GPR107: variants seen among roughly 807,000 people sequenced by gnomAD.
The protein encoded by GPR107 is G protein-coupled receptor 107, also known as protein GPR107.
GPR107 carries 31 observed loss-of-function variants against 75.5 expected under a neutral mutation model. The observed-to-expected ratio is 0.41, with a 90% CI of 0.31 to 0.55. The LOEUF (loss-of-function observed/expected upper bound fraction) is 0.55, where lower values mean the gene tolerates loss of function less well. Ranked by LOEUF, GPR107 falls within the 20% of genes least tolerant of loss-of-function variation. The pLI is 0.26. For missense variants in GPR107, 572 were observed against 665.7 expected, an observed-to-expected ratio of 0.86 and a Z score of 1.55; for synonymous variants, 267 against 251.3, an observed-to-expected ratio of 1.06 and a Z score of -0.59.
Position 130,083,600 on chromosome 9 carries a change from A to C in GPR107, c.562A>C (p.Lys188Gln), listed in dbSNP as rs761481325. 1 of 1,524,402 alleles carries C rather than the reference A, an allele frequency of 6.6e-7. No homozygotes were observed. The highest frequency in any genetic ancestry group is 8.7e-7 in the Non-Finnish European group (1 of 1,144,484). 94.4% of individuals were successfully genotyped at this position (1,524,402 alleles called of 1,614,324 possible). Residue 188 changes from lysine (K) to glutamine (Q), a missense_variant and splice_region_variant, in exon 6 of 18, where the codon AAG becomes CAG. By Grantham distance (53) the Lys-to-Gln change is moderately conservative. Transcript: ENST00000347136. Reference protein sequence around the residue: ...GKSKRSTVDSKAMGEKSFSVH... With the variant: ...GKSKRSTVDSQAMGEKSFSVH... ...GTCTAAAAGAAGTACAGTGGATTCA[A>C]AGGTAAGAACTAACCACCCTTTTGT...
chr9:130,083,505 T>C (rs1830541235), intron 5 of GPR107, 60 bp from the exon 6 acceptor site: 1 of 982,494 alleles, frequency 1.0e-6, no homozygotes, highest in Non-Finnish European at 1.5e-6. Context: ...TACTGTAATA[T>C]ATATATGTAT....
chr9:130,102,931 A>G (rs1831071369), intron 12 of GPR107, among the ~76,000 whole-genome samples: 1 of 146,960 alleles, frequency 6.8e-6, no homozygotes, highest in African/African-American at 2.5e-5. Flanking sequence ...CCACAGACGT[A>G]CACCATCACA....
chr9:130,065,545 C>T (rs1830048024), intron 1 of GPR107, among the ~76,000 whole-genome samples: 1 of 151,972 alleles, frequency 6.6e-6, no homozygotes, highest in African/African-American at 2.4e-5. Context: ...ACGGGCACCT[C>T]ACTTGAGGTC....
chr9:130,067,373 G>A (rs1830095016), intron 1 of GPR107, among the ~76,000 whole-genome samples: 2 of 152,192 alleles, frequency 1.3e-5, no homozygotes, highest in Non-Finnish European at 2.9e-5. Context: ...AGCCCCTTGA[G>A]ATAGATGTTA....
chr9:130,070,336 C>G (rs1291731479), intron 1 of GPR107, among the ~76,000 whole-genome samples: 1 of 152,128 alleles, frequency 6.6e-6, no homozygotes, highest in Non-Finnish European at 1.5e-5. Flanking sequence ...CAGAGTCTCG[C>G]TCTTTCGCCC....
At chr9:130,058,232 C>G (rs1342607613) in intron 1 of GPR107, among the ~76,000 whole-genome samples, 1 of 152,120 alleles carries the variant, frequency 6.6e-6, no homozygotes. Context: ...CATAAGATCA[C>G]CCATTTTAAC....
In GPR107 at chr9:130,079,639, A is replaced by G. The variant is rs912379316; in HGVS notation, c.396A>G (p.Val132=). Residue 132 remains valine, a synonymous_variant, in exon 5 of 18, where the codon GTA becomes GTG. Transcript: ENST00000347136. ...ILDISRSEVR[V]KSPPEAGTQL... ...TCTTATTTGAATGTAGGGTAAGAGT[A>G]AAGTCTCCACCAGAAGCTGGTACCC... 3.1e-6 allele frequency: 5 copies of G among 1,613,306 alleles called. No homozygotes were observed. The highest frequency in any genetic ancestry group is 1.1e-5 in the South Asian group (1 of 91,040).
At chr9:130,094,991 TTTTTTA>T (rs1830829955) in intron 9 of GPR107, among the ~76,000 whole-genome samples, 1 of 151,950 alleles carries the variant, frequency 6.6e-6, no homozygotes, top group African/African-American at 2.4e-5. Context: ...TCTGTTGTTT[TTTTTTA>T]TTTTTTATTT....
intron 17 of GPR107, chr9:130,130,013 T>C (rs1421787300): frequency 1.3e-5 from 2 of 152,258 alleles, no homozygotes; most frequent in Non-Finnish European, 2.9e-5. Flanking sequence ...GGCAACAATT[T>C]TTTTAAAATT....
rs536505638 is a variant in GPR107, at chr9:130,118,050, T to G, written c.1307-6865T>G. 5.9e-5 allele frequency among the ~76,000 whole-genome samples: 9 copies of G among 152,314 alleles called. No homozygotes were observed. The East Asian group carries it at 1.3e-3, about 23-fold the overall frequency. ...TTTCCCTTAGCATGAAGCGTAGGTGTTAAGAGCTTGGTCCTTGGAGGGAGG... is the reference window on the plus strand; with the variant it reads ...TTTCCCTTAGCATGAAGCGTAGGTGGTAAGAGCTTGGTCCTTGGAGGGAGG... On this transcript the variant is annotated intron_variant, in intron 14 of 17. Coordinates refer to ENST00000347136, the MANE Select transcript of GPR107 (RefSeq NM_020960.5).
chr9:130,082,033 A>G (rs906789954), intron 5 of GPR107, among the ~76,000 whole-genome samples: 10 of 152,194 alleles, frequency 6.6e-5, no homozygotes, highest in African/African-American at 2.4e-4. Context: ...GGCAGGTCAC[A>G]TGGCGAGAGC....
rs189996921 is a variant in GPR107, at chr9:130,102,257, C to T, written c.1131+1034C>T. Among the ~76,000 whole-genome samples the T allele has an allele frequency of 1.4e-3, 207 of 152,286 alleles. 1 individual carries two copies. Among genetic ancestry groups the T allele is most frequent in the African/African-American group, 4.5e-3 (186 of 41,574 alleles). ...GCCGGTCTTTCGGCTGTCGAGCCAC[C>T]GTGGTCACTTCTTCAGCCAGACTGA... On this transcript the variant is annotated intron_variant, in intron 12 of 17. Transcript: ENST00000347136.
At chr9:130,076,495 T>G in intron 3 of GPR107, 33 bp downstream of exon 3, 1 of 1,339,216 alleles carries the variant, frequency 7.5e-7, no homozygotes, top group Non-Finnish European at 1.1e-6. Flanking sequence ...GATTCATCTC[T>G]TCACCTGAGC....
intron 14 of GPR107, among the ~76,000 whole-genome samples, chr9:130,115,492 C>T (rs959094606): frequency 1.3e-5 from 2 of 151,716 alleles, no homozygotes; most frequent in African/African-American, 2.4e-5. Context: ...AGGCCAGGCA[C>T]GGTGGCTCTC....
chr9:130,123,530 CTTTTTTTTTTT>C (rs57730952), intron 14 of GPR107, among the ~76,000 whole-genome samples: 2 of 127,156 alleles, frequency 1.6e-5, no homozygotes, highest in African/African-American at 6.0e-5. Context: ...CTTTTCTTTT[CTTTTTTTTTTT>C]TTTTTTTTGT....
intron 9 of GPR107, among the ~76,000 whole-genome samples, chr9:130,098,500 A>G (rs1315354306): frequency 1.3e-5 from 2 of 152,142 alleles, no homozygotes; most frequent in Admixed American, 6.6e-5. Context: ...CTGTTTTCTC[A>G]GGTCCATCTA....
intron 1 of GPR107, among the ~76,000 whole-genome samples, chr9:130,068,123 T>C (rs1830113033): frequency 6.6e-6 from 1 of 152,046 alleles, no homozygotes; most frequent in Non-Finnish European, 1.5e-5. Context: ...GAAGGTACTT[T>C]TTGCTTACCT....
At chr9:130,083,685 T>TG in intron 6 of GPR107, 83 bp downstream of exon 6, 1 of 724,446 alleles carries the variant, frequency 1.4e-6, no homozygotes, top group Non-Finnish European at 2.1e-6. Flanking sequence ...TGTGTGTGTA[T>TG]TGATATATAT....
chr9:130,121,066 G>A (rs575152806), intron 14 of GPR107, among the ~76,000 whole-genome samples: 1 of 152,226 alleles, frequency 6.6e-6, no homozygotes, highest in South Asian at 2.1e-4. Flanking sequence ...ACGCGATGGT[G>A]TGCGCCTGTA....
Sources: gnomAD v4.1 joint callset for allele counts (sites outside exome capture counted in the v4.1 genomes callset) on GRCh38, gnomAD v4.1.1 for gene constraint, MANE v1.5 for transcripts, NCBI Gene and HGNC (gene_info 2026-07-23, HGNC 2026-07-21) for gene names.